MN1: variants seen among roughly 807,000 people sequenced by gnomAD.
MN1 encodes the protein MN1 proto-oncogene, transcriptional regulator, also known as transcriptional activator MN1.
MN1 carries 19 observed loss-of-function variants against 86.9 expected under a neutral mutation model. That is an observed-to-expected ratio of 0.22 (90% CI 0.15 to 0.32). The LOEUF is 0.32. Among genes scored for constraint, MN1 ranks in the 10% least tolerant of loss-of-function variants. The pLI, the probability that MN1 is intolerant of heterozygous loss-of-function variation, is 1.00. For missense variants in MN1, 1,841 were observed against 1,862.0 expected, an observed-to-expected ratio of 0.99 and a Z score of 0.21; for synonymous variants, 928 against 849.6, an observed-to-expected ratio of 1.09 and a Z score of -1.60.
At position 27,799,112 on chromosome 22, in the gene MN1, G is replaced by T; in HGVS notation, c.1432C>A (p.His478Asn). 2.5e-6 allele frequency: 4 copies of T among 1,604,426 alleles called. No homozygotes were observed. Among genetic ancestry groups the T allele is most frequent in the East Asian group, 2.2e-5 (1 of 44,586 alleles). ...AGGTGATTATCCAGAGCGCCGTTGT[G>T]CATGCTGCCGTTCCACGAAGCGCAG... ...DRCASWNGSM[H>N]NGALDNHLSP... The change falls in exon 1 of 2, where the codon CAC (histidine) becomes AAC (asparagine). Residue 478 changes from histidine (H) to asparagine (N), a missense_variant. Physicochemically the swap from His to Asn is moderately conservative, Grantham distance 68. Coordinates refer to ENST00000302326, the MANE Select transcript of MN1 (RefSeq NM_002430.3).
Position 27,797,046 on chromosome 22 carries a change from C to A in MN1, c.3498G>T (p.Gln1166His), listed in dbSNP as rs1449351379. 3 of 1,612,354 alleles carry A rather than the reference C, an allele frequency of 1.9e-6. No individual in the cohort carries two copies. The highest frequency in any genetic ancestry group is 2.5e-6 in the Non-Finnish European group (3 of 1,179,786). Residue 1166 changes from glutamine to histidine, a missense_variant, in exon 1 of 2, where the codon CAG (glutamine) becomes CAT (histidine). Physicochemically the swap from Gln to His is conservative, Grantham distance 24 (BLOSUM62 0). Coordinates refer to ENST00000302326, the MANE Select transcript of MN1 (RefSeq NM_002430.3). ...LQAQIQLQRQQFSISEDQPLG... is the reference protein window; with the variant it reads ...LQAQIQLQRQHFSISEDQPLG... The stretch of plus-strand genomic sequence containing the variant: ...GAGGCTGGTCCTCGGAGATGCTGAA[C>A]TGCTGCCTCTGTAGCTGGATCTGCG...
intron 1 of MN1, among the ~76,000 whole-genome samples, chr22:27,779,792 T>A (rs993272350): frequency 1.3e-5 from 2 of 151,998 alleles, no homozygotes; most frequent in Non-Finnish European, 2.9e-5. Flanking sequence ...CCTCCACACC[T>A]CCTCGGGCTG....
At position 27,796,655 on chromosome 22, in the gene MN1, G is replaced by A. The variant is rs1933300804; in HGVS notation, c.3781+108C>T. On this transcript the variant is annotated intron_variant, in intron 1 of 1. Transcript: ENST00000302326. The stretch of plus-strand genomic sequence containing the variant: ...CAGCTCCTAGTTGGGGATTAGGAGG[G>A]TTTGTGCCCTCCAAACCTCAAAGGA... The A allele has an allele frequency of 2.0e-5, 24 of 1,171,154 alleles. No homozygotes were observed. In the South Asian group the frequency reaches 3.0e-4, roughly 14 times the overall value. The allele number at this position is 1,171,154 out of a possible 1,614,324, so 72.5% of individuals were successfully genotyped here.
chr22:27,769,552 A>T (rs1409899844), intron 1 of MN1, among the ~76,000 whole-genome samples: 3 of 83,278 alleles, frequency 3.6e-5, no homozygotes, highest in African/African-American at 4.9e-5. Context: ...AAGGATGCCA[A>T]TTTTTTTTTT....
In MN1 at chr22:27,759,000, A is replaced by G. The variant is rs117853894; in HGVS notation, c.3782-7904T>C. ...GCCACCACGCCCGGCTAATTCTTGT[A>G]TTTTTTTTATACAGATGGGAGTTCA... On this transcript the variant is annotated intron_variant, in intron 1 of 1. Coordinates refer to ENST00000302326, the MANE Select transcript of MN1 (RefSeq NM_002430.3). Among the ~76,000 whole-genome samples, 533 of 151,868 alleles carry G rather than the reference A, an allele frequency of 3.5e-3. 21 individuals carry two copies. In the East Asian group the frequency reaches 0.085, roughly 24 times the overall value.
At chr22:27,767,267 C>T (rs973471774) in intron 1 of MN1, among the ~76,000 whole-genome samples, 2 of 152,180 alleles carry the variant, frequency 1.3e-5, no homozygotes, top group Non-Finnish European at 2.9e-5. Flanking sequence ...AGCCCCCGGA[C>T]AGACCTGAAA....
intron 1 of MN1, among the ~76,000 whole-genome samples, chr22:27,757,921 C>T (rs1037582953): frequency 1.3e-5 from 2 of 152,076 alleles, no homozygotes; most frequent in African/African-American, 4.8e-5. Flanking sequence ...CCACAGTCAG[C>T]CCAGGCACCA....
In MN1 at chr22:27,797,523, C is replaced by G; in HGVS notation, c.3021G>C (p.Ser1007=). 6.2e-7 allele frequency: 1 copy of G among 1,607,474 alleles called. No individual in the cohort carries two copies. Among genetic ancestry groups the G allele is most frequent in the South Asian group, 1.1e-5 (1 of 90,524 alleles). Residue 1007 remains serine (S), a synonymous_variant, in exon 1 of 2, where the codon TCG becomes TCC. Transcript: ENST00000302326. The stretch of plus-strand genomic sequence containing the variant: ...ACTCAGCCCCCTTCCCCCAGGATGG[C>G]GACGTGAGCGCCTTTTCGTGGGGCG... The part of the protein sequence containing the change: ...APTPHEKALT[S]PSWGKGAELL...
At chr22:27,756,337 C>T (rs1213625338) in intron 1 of MN1, among the ~76,000 whole-genome samples, 1 of 152,154 alleles carries the variant, frequency 6.6e-6, no homozygotes, top group Non-Finnish European at 1.5e-5. Flanking sequence ...ATCCGCGGAC[C>T]AGGTTCCAAT....
chr22:27,799,509 C>A lies in MN1; in HGVS notation c.1035G>T (p.Pro345=), dbSNP rs1413466514. The change falls in exon 1 of 2, where the codon CCG becomes CCT. Residue 345 remains proline (P), a synonymous_variant. Transcript: ENST00000302326. ...HPLMQPPQQA[P]PPPQQQPPQQ... Reference sequence around the variant, plus strand: ...GCGGGGGCTGCTGCTGAGGGGGTGGCGGGGCCTGCTGGGGAGGCTGCATTA... The same window carrying A: ...GCGGGGGCTGCTGCTGAGGGGGTGGAGGGGCCTGCTGGGGAGGCTGCATTA... The A allele has an allele frequency of 5.5e-6, 8 of 1,450,814 alleles. No homozygotes were observed. In the South Asian group the frequency reaches 1.0e-4, roughly 19 times the overall value. The allele number at this position is 1,450,814 out of a possible 1,614,324, so 89.9% of individuals were successfully genotyped here. A position where few individuals can be genotyped will look rare whatever the true frequency, so the allele number is the denominator to read the frequency against.
chr22:27,771,870 C>A (rs969112256), intron 1 of MN1, among the ~76,000 whole-genome samples: 1 of 152,288 alleles, frequency 6.6e-6, no homozygotes, highest in East Asian at 1.9e-4. Context: ...TGCCCAAGGT[C>A]CCACAGCTGG....
chr22:27,768,443 G>A (rs1479475984), intron 1 of MN1, among the ~76,000 whole-genome samples: 1 of 152,154 alleles, frequency 6.6e-6, no homozygotes, highest in Non-Finnish European at 1.5e-5. Flanking sequence ...CTGCCTGTGG[G>A]TAGAGCTACA....
chr22:27,790,422 G>A (rs1048125713), intron 1 of MN1, among the ~76,000 whole-genome samples: 1 of 152,098 alleles, frequency 6.6e-6, no homozygotes, highest in East Asian at 1.9e-4. Context: ...GTGACCCATC[G>A]GGCACAATGT....
chr22:27,790,182 G>A (rs1330946690), intron 1 of MN1, among the ~76,000 whole-genome samples: 4 of 152,316 alleles, frequency 2.6e-5, no homozygotes, highest in East Asian at 3.9e-4. Flanking sequence ...ATTACATCCC[G>A]AGAACATGAT....
Position 27,798,197 on chromosome 22 carries a change from C to G in MN1, c.2347G>C (p.Gly783Arg), listed in dbSNP as rs892879086. 3 of 1,538,454 alleles carry G rather than the reference C, an allele frequency of 2.0e-6. No homozygotes were observed. The Admixed American group carries it at 6.1e-5, about 31-fold the overall frequency. The change falls in exon 1 of 2, where the codon GGT (glycine) becomes CGT (arginine). Residue 783 changes from glycine to arginine, a missense_variant. Transcript: ENST00000302326. The part of the protein sequence containing the change: ...GGSSGGGGGG[G>R]AYPPQPDFQP... Reference sequence around the variant, plus strand: ...AAATCAGGCTGCGGCGGGTAGGCACCCCCGCCACCGCCGCCACCAGAGCTG... The same window carrying G: ...AAATCAGGCTGCGGCGGGTAGGCACGCCCGCCACCGCCGCCACCAGAGCTG...
At chr22:27,796,476 C>T (rs1385538799) in intron 1 of MN1, among the ~76,000 whole-genome samples, 4 of 88,336 alleles carry the variant, frequency 4.5e-5, no homozygotes, top group East Asian at 3.2e-4. Context: ...GGCGGCTGGG[C>T]GGGGTACTCT....
At chr22:27,783,772 G>A (rs1933084915) in intron 1 of MN1, among the ~76,000 whole-genome samples, 1 of 152,186 alleles carries the variant, frequency 6.6e-6, no homozygotes, top group Admixed American at 6.5e-5. Context: ...AAAACCACAA[G>A]CTTGTGTTTT....
At chr22:27,776,023 G>C (rs933762463) in intron 1 of MN1, among the ~76,000 whole-genome samples, 1 of 152,212 alleles carries the variant, frequency 6.6e-6, no homozygotes, top group Non-Finnish European at 1.5e-5. Flanking sequence ...AGCAGTGGGG[G>C]CTGCAAATTT....
chr22:27,793,468 C>G (rs45454098), intron 1 of MN1, among the ~76,000 whole-genome samples: 1 of 152,298 alleles, frequency 6.6e-6, no homozygotes, highest in East Asian at 1.9e-4. Context: ...TGAATAGGCC[C>G]AAACTCAGGC....
Sources: gnomAD v4.1 joint callset for allele counts (sites outside exome capture counted in the v4.1 genomes callset) on GRCh38, gnomAD v4.1.1 for gene constraint, MANE v1.5 for transcripts, NCBI Gene and HGNC (gene_info 2026-07-23, HGNC 2026-07-21) for gene names.